ELP4: variants seen among roughly 807,000 people sequenced by gnomAD.
The protein encoded by ELP4 is elongator acetyltransferase complex subunit 4, also known as elongator complex protein 4.
Under a neutral mutation model 48.9 loss-of-function variants are expected in ELP4, and 51 were observed. The ratio of observed to expected loss-of-function variants is 1.04; its 90% CI spans 0.83 to 1.32. The LOEUF (loss-of-function observed/expected upper bound fraction) is 1.32, where lower values mean the gene tolerates loss of function less well. Among genes scored for constraint, ELP4 ranks in the 40% most tolerant of loss-of-function variants. The probability of loss-of-function intolerance (pLI) is 0.00; values close to 1 mark genes in which losing one functional copy is unlikely to be tolerated. For missense variants in ELP4, 519 were observed against 514.6 expected, an observed-to-expected ratio of 1.01 and a Z score of -0.08; for synonymous variants, 210 against 189.2, an observed-to-expected ratio of 1.11 and a Z score of -0.90.
At chr11:31,675,726 A>G (rs950813179) in intron 9 of ELP4, among the ~76,000 whole-genome samples, 4 of 152,124 alleles carry the variant, frequency 2.6e-5, no homozygotes, top group Non-Finnish European at 4.4e-5. Context: ...TAAAAACTCT[A>G]TAGTTATACA....
intron 9 of ELP4, chr11:31,662,633 G>A (rs1592201931): frequency 7.5e-6 from 3 of 397,640 alleles, no homozygotes; most frequent in Non-Finnish European, 1.3e-5. Flanking sequence ...TTAAAAAGCC[G>A]CATACTTTAA....
chr11:31,744,648 A>G (rs1249320706), intron 9 of ELP4, among the ~76,000 whole-genome samples: 1 of 152,244 alleles, frequency 6.6e-6, no homozygotes, highest in African/African-American at 2.4e-5. Flanking sequence ...CCACATGATT[A>G]TCTCAATAGA....
intron 4 of ELP4, among the ~76,000 whole-genome samples, chr11:31,596,659 C>T (rs1195081252): frequency 5.9e-5 from 9 of 152,142 alleles, no homozygotes; most frequent in Non-Finnish European, 1.2e-4. Context: ...TAAGCAATGA[C>T]ATATTGTTCT....
At position 31,670,183 on chromosome 11, in the gene ELP4, C is replaced by A. The variant is rs150422624; in HGVS notation, c.1143+19962C>A. 2.1e-3 allele frequency among the ~76,000 whole-genome samples: 320 copies of A among 152,084 alleles called. 1 individual carries two copies. The highest frequency in any genetic ancestry group is 7.3e-3 in the African/African-American group (302 of 41,482). On this transcript the variant is annotated intron_variant, in intron 9 of 9. Coordinates refer to ENST00000640961, the MANE Select transcript of ELP4 (RefSeq NM_019040.5). Reference sequence around the variant, plus strand: ...AATCTATATTATCTCTTCCTCTTGCCTTTATAGACATATGGTAGTGATTCA... The same window carrying A: ...AATCTATATTATCTCTTCCTCTTGCATTTATAGACATATGGTAGTGATTCA...
intron 9 of ELP4, among the ~76,000 whole-genome samples, chr11:31,754,455 C>T (rs546264758): frequency 6.6e-6 from 1 of 152,150 alleles, no homozygotes; most frequent in East Asian, 1.9e-4. Flanking sequence ...CCTACTGTAC[C>T]CTATAGTACA....
At chr11:31,515,828 T>C (rs1211800567) in intron 1 of ELP4, among the ~76,000 whole-genome samples, 1 of 152,176 alleles carries the variant, frequency 6.6e-6, no homozygotes, top group East Asian at 1.9e-4. Flanking sequence ...TCTTTACTTC[T>C]GGCTGGGCGC....
chr11:31,679,192 C>T (rs1475201508), intron 9 of ELP4, among the ~76,000 whole-genome samples: 1 of 152,122 alleles, frequency 6.6e-6, no homozygotes, highest in Non-Finnish European at 1.5e-5. Context: ...ATTCATGCAA[C>T]TATATTCAAG....
In ELP4 at chr11:31,768,736, A is replaced by G. The variant is rs1271570860; in HGVS notation, c.1144-14657A>G. ...CTCCAGGAAATCAGCCTGCTTCAAA[A>G]AACCATTAAAGTGTGCCTATCCCTC... On this transcript the variant is annotated intron_variant, in intron 9 of 9. Coordinates refer to ENST00000640961, the MANE Select transcript of ELP4 (RefSeq NM_019040.5). Among the ~76,000 whole-genome samples, 3 of 152,218 alleles carry G rather than the reference A, an allele frequency of 2.0e-5. No individual in the cohort carries two copies. In the East Asian group the frequency reaches 5.8e-4, roughly 29 times the overall value.
intron 5 of ELP4, among the ~76,000 whole-genome samples, chr11:31,623,175 G>T (rs1272947348): frequency 6.7e-6 from 1 of 150,044 alleles, no homozygotes; most frequent in East Asian, 2.0e-4. Context: ...TTGAATGTTT[G>T]GAAACATTAA....
chr11:31,762,015 C>G (rs1342430482), intron 9 of ELP4: 4 of 152,224 alleles, frequency 2.6e-5, no homozygotes, highest in Non-Finnish European at 4.4e-5. Flanking sequence ...GTAATCCAGA[C>G]AGATATAAGT....
At chr11:31,619,392 A>G (rs1220705781) in intron 5 of ELP4, among the ~76,000 whole-genome samples, 1 of 152,046 alleles carries the variant, frequency 6.6e-6, no homozygotes, top group Non-Finnish European at 1.5e-5. Flanking sequence ...TATAACAAAA[A>G]TACCATAAAC....
intron 3 of ELP4, among the ~76,000 whole-genome samples, chr11:31,559,888 A>G (rs1956987010): frequency 6.8e-6 from 1 of 147,576 alleles, no homozygotes; most frequent in African/African-American, 2.6e-5. Flanking sequence ...CCTGGGCAAC[A>G]AGAGCAAAAC....
At chr11:31,782,734 A>T (rs1350977114) in intron 9 of ELP4, among the ~76,000 whole-genome samples, 2 of 152,112 alleles carry the variant, frequency 1.3e-5, no homozygotes, top group Non-Finnish European at 2.9e-5. Flanking sequence ...TGAAAACATG[A>T]CCCAACATTA....
chr11:31,780,319 T>G (rs1474357124), intron 9 of ELP4, among the ~76,000 whole-genome samples: 1 of 152,194 alleles, frequency 6.6e-6, no homozygotes, highest in African/African-American at 2.4e-5. Flanking sequence ...TCTTCCTCGC[T>G]GTTTCACATC....
intron 9 of ELP4, among the ~76,000 whole-genome samples, chr11:31,721,967 C>T (rs940997955): frequency 2.0e-5 from 3 of 152,140 alleles, no homozygotes; most frequent in Non-Finnish European, 2.9e-5. Context: ...GTGCCTTCCT[C>T]GCTTTTATTA....
At chr11:31,724,906 C>T (rs1947043050) in intron 9 of ELP4, among the ~76,000 whole-genome samples, 1 of 152,062 alleles carries the variant, frequency 6.6e-6, no homozygotes, top group Admixed American at 6.5e-5. Flanking sequence ...TTAAAATCTC[C>T]TCTGCTTTTT....
chr11:31,569,017 G>A (rs1004042174), intron 3 of ELP4, among the ~76,000 whole-genome samples: 6 of 151,766 alleles, frequency 4.0e-5, no homozygotes, highest in East Asian at 1.9e-4. Flanking sequence ...CCCAGGAGGC[G>A]GAGGTTGCAG....
intron 5 of ELP4, among the ~76,000 whole-genome samples, chr11:31,616,142 A>G (rs370745389): frequency 1.6e-4 from 24 of 152,210 alleles, no homozygotes; most frequent in African/African-American, 5.5e-4. Context: ...GAAAAAGACC[A>G]AAGTTGGAAG....
chr11:31,745,976 T>G (rs1183559531), intron 9 of ELP4, among the ~76,000 whole-genome samples: 1 of 152,040 alleles, frequency 6.6e-6, no homozygotes, highest in South Asian at 2.1e-4. Flanking sequence ...GGGAGAAAAT[T>G]TTTGCAACCT....
Sources: gnomAD v4.1 joint callset for allele counts (sites outside exome capture counted in the v4.1 genomes callset) on GRCh38, gnomAD v4.1.1 for gene constraint, MANE v1.5 for transcripts, NCBI Gene and HGNC (gene_info 2026-07-23, HGNC 2026-07-21) for gene names.